The following XPA variants were observed in gnomAD, a reference collection of about 807,000 sequenced individuals.
XPA encodes DNA repair protein complementing XP-A cells.
A neutral mutation model predicts 35.7 loss-of-function variants in XPA; 27 were observed. That is an observed-to-expected ratio of 0.76 (90% confidence interval 0.56 to 1.04). XPA has a LOEUF of 1.04. XPA is among the 50% of genes least tolerant of loss of function. XPA has a pLI of 0.00. For missense variants in XPA, 354 were observed against 342.7 expected (o/e 1.03, Z -0.26); for synonymous variants, 133 against 118.4 (o/e 1.12, Z -0.80).
the XPA span, chr9:97,669,764 T>G: frequency 8.0e-7 from 1 of 1,256,570 alleles, no homozygotes; most frequent in East Asian, 2.4e-5. Context: ...AGATTTTTCA[T>G]TAAAAAAAAT....
At chr9:97,693,521 C>T (rs1331188776) in intron 2 of XPA, 128 bp downstream of exon 2, 5 of 845,028 alleles carry the variant, frequency 5.9e-6, no homozygotes, top group Non-Finnish European at 9.3e-6. Flanking sequence ...AACTTTATCA[C>T]TTTTATAAAG....
At chr9:97,682,575 G>A in intron 5 of XPA, 1 of 424,764 alleles carries the variant, frequency 2.4e-6, no homozygotes, top group South Asian at 1.8e-5. Context: ...TATTTACAGA[G>A]ACACTTGGAA....
chr9:97,669,068 A>G, the XPA span: 3 of 1,355,092 alleles, frequency 2.2e-6, no homozygotes, highest in Admixed American at 7.0e-5. Context: ...TAAAAGGAAT[A>G]CACATTCATT....
In XPA at chr9:97,697,236, C is replaced by T. The variant is rs753050753; in HGVS notation, c.57G>A (p.Glu19=). The change falls in exon 1 of 6, where the codon GAG becomes GAA. Residue 19 remains glutamate (E), a synonymous_variant. Transcript: ENST00000375128. ...TACTCGCCCGCACCGAGGCAGGCAG[C>T]TCCGCGGGTTGCTCTAAAGCCGCCG... ...PEAAALEQPA[E]LPASVRASIE... is the part of the protein sequence containing the mutation. 3 of 1,600,946 alleles carry T rather than the reference C, an allele frequency of 1.9e-6. No individual in the cohort carries two copies. The highest frequency in any genetic ancestry group is 2.5e-6 in the Non-Finnish European group (3 of 1,179,148).
intron 2 of XPA, among the ~76,000 whole-genome samples, chr9:97,690,017 C>T (rs906031222): frequency 1.3e-5 from 2 of 152,182 alleles, no homozygotes; most frequent in Non-Finnish European, 2.9e-5. Flanking sequence ...AAGGTGTTGG[C>T]AGGGCTGTGT....
chr9:97,675,736 T>C (rs1454905230), intron 5 of XPA, 149 bp from the exon 6 acceptor site: 17 of 1,028,978 alleles, frequency 1.7e-5, no homozygotes, highest in Admixed American at 1.1e-4. Context: ...TATAACAAAG[T>C]TGATTATACA....
At chr9:97,696,970 G>T in intron 1 of XPA, 151 bp downstream of exon 1, 3 of 1,110,136 alleles carry the variant, frequency 2.7e-6, no homozygotes, top group Non-Finnish European at 3.7e-6. Context: ...GGCTGGCTGG[G>T]CGGATTCCCT....
chr9:97,654,932 C>T, the XPA span: 2 of 1,607,822 alleles, frequency 1.2e-6, no homozygotes, highest in Admixed American at 1.7e-5. Flanking sequence ...ATGAACACTA[C>T]CTGTGTAGAC....
At chr9:97,660,359 G>T in the XPA span, among the ~76,000 whole-genome samples, 23 of 152,036 alleles carry the variant, frequency 1.5e-4, no homozygotes, top group Non-Finnish European at 2.6e-4. Flanking sequence ...TTATAATAAG[G>T]ACTCAACTGA....
At chr9:97,663,029 C>A in the XPA span, 1 of 1,611,762 alleles carries the variant, frequency 6.2e-7, no homozygotes, top group Admixed American at 1.7e-5. Context: ...TGTTTGAGGT[C>A]TGGAGGAACC....
chr9:97,678,405 GTAAA>G (rs1376666738), intron 5 of XPA, among the ~76,000 whole-genome samples: 3 of 151,704 alleles, frequency 2.0e-5, no homozygotes, highest in South Asian at 2.1e-4. Context: ...GGTCTCAAAA[GTAAA>G]TAAGTAAATA....
chr9:97,672,821 C>T (rs1265425910), downstream of XPA: 2 of 156,420 alleles, frequency 1.3e-5, no homozygotes, highest in South Asian at 4.0e-4. Flanking sequence ...TTTCTTTTCT[C>T]TAGCTTCATA....
the XPA span, among the ~76,000 whole-genome samples, chr9:97,657,532 G>T: frequency 6.6e-6 from 1 of 152,074 alleles, no homozygotes; most frequent in African/African-American, 2.4e-5. Context: ...GTCAATATCT[G>T]CCAGCTTTCT....
chr9:97,662,379 GAAAC>G, the XPA span, among the ~76,000 whole-genome samples: 7 of 152,180 alleles, frequency 4.6e-5, no homozygotes, highest in African/African-American at 1.7e-4. Context: ...GACATTTAAA[GAAAC>G]TAGTGAAAAA....
At chr9:97,655,954 A>G in the XPA span, 3 of 1,499,628 alleles carry the variant, frequency 2.0e-6, no homozygotes, top group Non-Finnish European at 1.8e-6. Flanking sequence ...TTATAGTACA[A>G]ATGGGTGTAA....
intron 2 of XPA, among the ~76,000 whole-genome samples, chr9:97,693,126 C>G (rs1828941938): frequency 6.7e-6 from 1 of 149,062 alleles, no homozygotes. Context: ...TAAAGTGTTT[C>G]TATCTTTTTC....
At chr9:97,677,729 A>C (rs1361065808) in intron 5 of XPA, among the ~76,000 whole-genome samples, 1 of 151,246 alleles carries the variant, frequency 6.6e-6, no homozygotes, top group Non-Finnish European at 1.5e-5. Context: ...AAAGTATTTA[A>C]AAATGGATAG....
the XPA span, among the ~76,000 whole-genome samples, chr9:97,660,702 G>C: frequency 6.6e-6 from 1 of 152,148 alleles, no homozygotes; most frequent in African/African-American, 2.4e-5. Context: ...ATTTTACTTA[G>C]CTAAGTGTCC....
rs1360360024 is a variant in XPA, at chr9:97,675,280, A to T, written c.*159T>A. 1.3e-5 allele frequency: 12 copies of T among 891,740 alleles called. 1 individual carries two copies. The highest frequency in any genetic ancestry group is 2.1e-5 in the Non-Finnish European group (12 of 573,050). 55.2% of individuals were successfully genotyped at this position (891,740 alleles called of 1,614,324 possible). ...GTGACCTTCACTGAAACTTGCTTTT[A>T]AGCCATAACATACATAATTATTACT... On this transcript the variant is annotated 3_prime_UTR_variant, in exon 6 of 6. Transcript: ENST00000375128.
Sources: allele counts gnomAD v4.1 joint callset (sites outside exome capture counted in the v4.1 genomes callset), GRCh38; gene constraint gnomAD v4.1.1; transcripts MANE v1.5; gene names NCBI Gene and HGNC (gene_info 2026-07-23, HGNC 2026-07-21).